NFATC2: variants seen among roughly 807,000 people sequenced by gnomAD.
The protein encoded by NFATC2 is nuclear factor of activated T-cells, cytoplasmic 2.
NFATC2 carries 22 observed loss-of-function variants against 87.3 expected under a neutral mutation model. That is an observed-to-expected ratio of 0.25 (90% confidence interval 0.18 to 0.36). The LOEUF is 0.36. Among genes scored for constraint, NFATC2 ranks in the 10% least tolerant of loss-of-function variants. The probability of loss-of-function intolerance (pLI) is 1.00; values close to 1 mark genes in which losing one functional copy is unlikely to be tolerated. For synonymous variants in NFATC2, 565 were observed against 542.2 expected, an observed-to-expected ratio of 1.04 and a Z score of -0.58; for missense variants, 1,149 against 1,259.1, an observed-to-expected ratio of 0.91 and a Z score of 1.32.
chr20:51,412,348 T>C (rs1600681917), intron 9 of NFATC2, among the ~76,000 whole-genome samples: 1 of 152,268 alleles, frequency 6.6e-6, no homozygotes, highest in East Asian at 1.9e-4. Flanking sequence ...GCCGTCTGCA[T>C]TCTGAGTCAC....
chr20:51,552,014 G>A (rs562815834), intron 1 of NFATC2, among the ~76,000 whole-genome samples: 20 of 131,690 alleles, frequency 1.5e-4, no homozygotes, highest in African/African-American at 4.4e-4. Context: ...GCGACAGAGC[G>A]AGGCTCCATC....
chr20:51,542,740 C>T, upstream of NFATC2: 1 of 123,076 alleles, frequency 8.1e-6, no homozygotes, highest in Non-Finnish European at 9.1e-6. Context: ...CTGTTGCAGC[C>T]CGGGGAGGCG....
chr20:51,491,432 G>A (rs1427768294), intron 3 of NFATC2, among the ~76,000 whole-genome samples: 1 of 152,170 alleles, frequency 6.6e-6, no homozygotes, highest in South Asian at 2.1e-4. Context: ...GGTATGCAAT[G>A]GTAGACCAGG....
At chr20:51,451,120 T>G (rs530137284) in intron 6 of NFATC2, among the ~76,000 whole-genome samples, 1 of 152,328 alleles carries the variant, frequency 6.6e-6, no homozygotes, top group Admixed American at 6.5e-5. Flanking sequence ...AACAGAGCCC[T>G]GTGTGGCTGG....
At chr20:51,406,087 T>C (rs567877404) in intron 9 of NFATC2, among the ~76,000 whole-genome samples, 11 of 152,276 alleles carry the variant, frequency 7.2e-5, no homozygotes, top group African/African-American at 2.6e-4. Context: ...TACATATATA[T>C]GTTGTTAATC....
At chr20:51,475,294 A>G (rs910552627) in intron 4 of NFATC2, among the ~76,000 whole-genome samples, 164 bp downstream of exon 4, 5 of 152,168 alleles carry the variant, frequency 3.3e-5, no homozygotes, top group Non-Finnish European at 7.4e-5. Flanking sequence ...TAAAATGGAA[A>G]CATTTAAAAC....
chr20:51,540,372 C>G (rs897555591), intron 1 of NFATC2, among the ~76,000 whole-genome samples: 3 of 152,164 alleles, frequency 2.0e-5, no homozygotes, highest in Admixed American at 1.3e-4. Context: ...TGTGGGCTTC[C>G]TCCCGAAAAC....
At chr20:51,476,911 G>C (rs1988764297) in intron 3 of NFATC2, among the ~76,000 whole-genome samples, 1 of 151,890 alleles carries the variant, frequency 6.6e-6, no homozygotes, top group Non-Finnish European at 1.5e-5. Flanking sequence ...TGGAGATTGT[G>C]GGGGAACAGG....
chr20:51,487,537 C>G (rs969903029), intron 3 of NFATC2, among the ~76,000 whole-genome samples: 3 of 152,144 alleles, frequency 2.0e-5, no homozygotes, highest in African/African-American at 7.2e-5. Context: ...AACTGCAGTT[C>G]AGCTTTGAAA....
chr20:51,458,267 T>A (rs1210669156), intron 5 of NFATC2, among the ~76,000 whole-genome samples: 1 of 151,890 alleles, frequency 6.6e-6, no homozygotes, highest in African/African-American at 2.4e-5. Context: ...GCAGGGGGTG[T>A]CCTGGGGGTG....
At chr20:51,540,954 A>G (rs2076807463) in intron 1 of NFATC2, among the ~76,000 whole-genome samples, 1 of 152,138 alleles carries the variant, frequency 6.6e-6, no homozygotes, top group Non-Finnish European at 1.5e-5. Context: ...TCTTAATTGT[A>G]TCTTTTCAAA....
upstream of NFATC2, chr20:51,562,704 C>A: frequency 7.1e-7 from 1 of 1,412,282 alleles, no homozygotes; most frequent in Non-Finnish European, 9.7e-7. The surrounding 1 kb of genome is among the most constrained non-coding windows in gnomAD (Gnocchi z 5.8). Flanking sequence ...GAGGGGACGC[C>A]GTCTTCTCTA....
intron 6 of NFATC2, among the ~76,000 whole-genome samples, chr20:51,438,054 G>A (rs191475005): frequency 7.9e-5 from 12 of 152,298 alleles, no homozygotes; most frequent in African/African-American, 2.4e-4. Flanking sequence ...GATGGACATC[G>A]AGGAATTGGA....
rs2076477498 is a variant in NFATC2, at chr20:51,523,167, G to A, written c.1074C>T (p.Gly358=). The A allele has an allele frequency of 1.2e-6, 2 of 1,614,198 alleles. No individual in the cohort carries two copies. The highest frequency in any genetic ancestry group is 2.2e-5 in the East Asian group (1 of 44,890). Reference sequence around the variant, plus strand: ...ATTCTGGAGCCGAGTTTCTCCTCTCGCCCTGCTCGCAGGGCCCCAGGAACT... The same window carrying A: ...ATTCTGGAGCCGAGTTTCTCCTCTCACCCTGCTCGCAGGGCCCCAGGAACT... ...AVEFLGPCEQ[G]ERRNSAPESI... is the part of the protein sequence containing the mutation. Residue 358 remains glycine (G), a synonymous_variant, in exon 2 of 11, where the codon GGC becomes GGT. Coordinates refer to ENST00000371564, the MANE Select transcript of NFATC2 (RefSeq NM_012340.5). The surrounding 1 kb of genome is among the most constrained non-coding windows in gnomAD (Gnocchi z 6.9).
At chr20:51,461,652 G>A (rs545754654) in intron 5 of NFATC2, among the ~76,000 whole-genome samples, 119 of 152,354 alleles carry the variant, frequency 7.8e-4, no homozygotes, top group African/African-American at 2.7e-3. Flanking sequence ...AACTGACACC[G>A]GCACAGGGTT....
intron 9 of NFATC2, among the ~76,000 whole-genome samples, chr20:51,429,269 G>A (rs867153608): frequency 3.3e-5 from 5 of 152,208 alleles, no homozygotes; most frequent in Non-Finnish European, 5.9e-5. Flanking sequence ...CACTGGGCAC[G>A]AGCCACCAGG....
At chr20:51,424,434 A>G (rs1037744699) in intron 9 of NFATC2, among the ~76,000 whole-genome samples, 2 of 152,212 alleles carry the variant, frequency 1.3e-5, no homozygotes. Flanking sequence ...AGTGATCAGC[A>G]ACTACTGAAC....
intron 1 of NFATC2, among the ~76,000 whole-genome samples, chr20:51,561,488 CAA>C (rs2077030786): frequency 1.3e-5 from 1 of 76,530 alleles, no homozygotes; most frequent in South Asian, 4.8e-4. Flanking sequence ...AGAAAGAAAG[CAA>C]GCAAGCAAGC....
chr20:51,455,722 G>A (rs1244056627), intron 5 of NFATC2, among the ~76,000 whole-genome samples: 4 of 36,656 alleles, frequency 1.1e-4, no homozygotes, highest in Admixed American at 7.1e-4. Flanking sequence ...GTGGGTGGGT[G>A]GGTGGATGGG....
Sources: allele counts gnomAD v4.1 joint callset (sites outside exome capture counted in the v4.1 genomes callset), GRCh38; gene constraint gnomAD v4.1.1; non-coding constraint Gnocchi (gnomAD v3.1); transcripts MANE v1.5; gene names NCBI Gene and HGNC (gene_info 2026-07-23, HGNC 2026-07-21).